The following BRI3BP variants were observed in gnomAD, a reference collection of about 807,000 sequenced individuals.
BRI3BP encodes the protein BRI3-binding protein.
Under a neutral mutation model 15.8 loss-of-function variants are expected in BRI3BP, and 7 were observed. That is an observed-to-expected ratio of 0.44 (90% CI 0.25 to 0.83). The LOEUF (loss-of-function observed/expected upper bound fraction) is 0.83, where lower values mean the gene tolerates loss of function less well. BRI3BP is among the 40% of genes least tolerant of loss of function. The pLI is 0.20. For synonymous variants in BRI3BP, 192 were observed against 163.5 expected (o/e 1.17, Z -1.33); for missense variants, 320 against 339.3 (o/e 0.94, Z 0.45).
rs186974743 is a variant in BRI3BP, at chr12:125,011,132, C to T, written c.214-1402C>T. Among the ~76,000 whole-genome samples, 22 of 148,902 alleles carry T rather than the reference C, an allele frequency of 1.5e-4. No individual in the cohort carries two copies. In the East Asian group the frequency reaches 3.6e-3, roughly 24 times the overall value. On this transcript the variant is annotated intron_variant, in intron 1 of 2. Coordinates refer to ENST00000341446, the MANE Select transcript of BRI3BP (RefSeq NM_080626.6). Reference sequence around the variant, plus strand: ...AAAAAAAAAAGCTGTAGCCAATTCACGGAGGCATTTACCCTTCACACGTGA... The same window carrying T: ...AAAAAAAAAAGCTGTAGCCAATTCATGGAGGCATTTACCCTTCACACGTGA...
rs1955352723 is a variant in BRI3BP, at chr12:125,026,098, C to T, written c.*668C>T. The T allele has an allele frequency of 6.6e-6, 1 of 152,266 alleles. No homozygotes were observed. Among genetic ancestry groups the T allele is most frequent in the African/African-American group, 2.4e-5 (1 of 41,540 alleles). The allele number at this position is 152,266 out of a possible 1,614,324, so 9.4% of individuals were successfully genotyped here. ...CAGTCCTATTTTTAAATGAAGACAT[C>T]GCCATTTCTAGAAGACCTGAGATTT... is the stretch of plus-strand genomic sequence containing the variant. On this transcript the variant is annotated 3_prime_UTR_variant, in exon 3 of 3. Coordinates refer to ENST00000341446, the MANE Select transcript of BRI3BP (RefSeq NM_080626.6).
chr12:124,994,379 C>T (rs1006559852), intron 1 of BRI3BP, among the ~76,000 whole-genome samples: 1 of 152,228 alleles, frequency 6.6e-6, no homozygotes, highest in East Asian at 1.9e-4. Flanking sequence ...TCGGTCCCCA[C>T]GCGGCTGCGC....
At chr12:125,018,895 G>A (rs1221839463) in intron 2 of BRI3BP, among the ~76,000 whole-genome samples, 3 of 152,024 alleles carry the variant, frequency 2.0e-5, no homozygotes, top group South Asian at 2.1e-4. Flanking sequence ...ATGTTGCTCT[G>A]TTGCCCAGGT....
chr12:125,025,226 G>A lies in BRI3BP; in HGVS notation c.552G>A (p.Ala184=), dbSNP rs376973420. 5.0e-6 allele frequency: 8 copies of A among 1,613,978 alleles called. No homozygotes were observed. The highest frequency in any genetic ancestry group is 5.1e-6 in the Non-Finnish European group (6 of 1,180,042). The change falls in exon 3 of 3, where the codon GCG becomes GCA. Residue 184 remains alanine (A), a synonymous_variant. Coordinates refer to ENST00000341446, the MANE Select transcript of BRI3BP (RefSeq NM_080626.6). The part of the protein sequence containing the change: ...LHKYEGEPEN[A]VLPLCFVVAV... Reference sequence around the variant, plus strand: ...AGTACGAGGGCGAGCCGGAGAACGCGGTGCTGCCGCTGTGCTTCGTGGTGG... The same window carrying A: ...AGTACGAGGGCGAGCCGGAGAACGCAGTGCTGCCGCTGTGCTTCGTGGTGG...
chr12:125,013,374 C>T (rs114393870), intron 2 of BRI3BP, among the ~76,000 whole-genome samples: 355 of 152,302 alleles, frequency 2.3e-3, no homozygotes, highest in African/African-American at 8.2e-3. Flanking sequence ...CTGTTGAAAC[C>T]GTTGAGTTCG....
At chr12:125,012,914 T>TAA (rs376021994) in intron 2 of BRI3BP, among the ~76,000 whole-genome samples, 1 of 150,896 alleles carries the variant, frequency 6.6e-6, no homozygotes, top group Non-Finnish European at 1.5e-5. Context: ...CCCATCTCTA[T>TAA]AAAAAAAAAG....
At chr12:125,024,262 C>CA (rs1555217919) in intron 2 of BRI3BP, among the ~76,000 whole-genome samples, 1 of 137,748 alleles carries the variant, frequency 7.3e-6, no homozygotes, top group Non-Finnish European at 1.6e-5. Context: ...CATGAAACCC[C>CA]CCCCCCTCCA....
downstream of BRI3BP, among the ~76,000 whole-genome samples, chr12:125,031,663 A>G (rs939798833): frequency 1.0e-4 from 13 of 128,012 alleles, no homozygotes; most frequent in African/African-American, 4.0e-4. Context: ...TGCTGCCTCC[A>G]TCTCCTGGGC....
At chr12:125,036,302 G>T in the BRI3BP span, among the ~76,000 whole-genome samples, 2 of 151,378 alleles carry the variant, frequency 1.3e-5, no homozygotes, top group African/African-American at 4.8e-5. Context: ...CTGACCTTCT[G>T]ATCCCCCGCC....
intron 2 of BRI3BP, among the ~76,000 whole-genome samples, chr12:125,020,168 A>T (rs931466846): frequency 1.4e-4 from 21 of 151,502 alleles, no homozygotes; most frequent in African/African-American, 4.4e-4. Flanking sequence ...CTGGTCTCGA[A>T]CTCCTGACTT....
chr12:125,011,171 T>C (rs560765528), intron 1 of BRI3BP, among the ~76,000 whole-genome samples: 3 of 148,042 alleles, frequency 2.0e-5, no homozygotes, highest in East Asian at 2.1e-4. Context: ...GAGTGGCCCA[T>C]GTAGGTGGGT....
At chr12:125,032,430 C>A (rs1955412904), downstream of BRI3BP, among the ~76,000 whole-genome samples, 1 of 151,594 alleles carries the variant, frequency 6.6e-6, no homozygotes, top group Admixed American at 6.6e-5. Context: ...TGCACTCCAG[C>A]CTGGGCGACA....
At chr12:125,016,288 C>T (rs1167790171) in intron 2 of BRI3BP, among the ~76,000 whole-genome samples, 1 of 151,746 alleles carries the variant, frequency 6.6e-6, no homozygotes, top group Non-Finnish European at 1.5e-5. Flanking sequence ...GGAAGCCATA[C>T]ACCAACGTTG....
Position 125,007,668 on chromosome 12 carries a change from G to A in BRI3BP, c.214-4866G>A, listed in dbSNP as rs115318631. On this transcript the variant is annotated intron_variant, in intron 1 of 2. Coordinates refer to ENST00000341446, the MANE Select transcript of BRI3BP (RefSeq NM_080626.6). ...CAGGAGTTTGAGACTGCAGTGAGCC[G>A]TAATTACCCCCACTGTACTCCAGGC... Among the ~76,000 whole-genome samples, 1,058 of 150,960 alleles carry A rather than the reference G, an allele frequency of 7.0e-3. 5 individuals carry two copies. The highest frequency in any genetic ancestry group is 0.024 in the African/African-American group (1,002 of 41,020).
downstream of BRI3BP, among the ~76,000 whole-genome samples, chr12:125,035,040 G>A (rs995964125): frequency 1.5e-4 from 23 of 152,156 alleles, no homozygotes; most frequent in South Asian, 8.3e-4. Flanking sequence ...TCATTGCTGC[G>A]TAGTATTCCA....
chr12:125,013,153 G>A lies in BRI3BP; in HGVS notation c.316+517G>A, dbSNP rs575382379. Among the ~76,000 whole-genome samples, 17 of 139,018 alleles carry A rather than the reference G, an allele frequency of 1.2e-4. No homozygotes were observed. The East Asian group carries it at 3.8e-3, about 31-fold the overall frequency. The allele number at this position is 139,018 out of a possible 152,430, so 91.2% of individuals were successfully genotyped here. On this transcript the variant is annotated intron_variant, in intron 2 of 2. Coordinates refer to ENST00000341446, the MANE Select transcript of BRI3BP (RefSeq NM_080626.6). ...TTTCCCAGATGCCACTTAGGATAAG[G>A]TGCGACTGGGTAGTGGGAGTGCCAA... is the stretch of plus-strand genomic sequence containing the variant.
At chr12:125,024,116 TCA>T (rs1212760939) in intron 2 of BRI3BP, among the ~76,000 whole-genome samples, 12 of 152,148 alleles carry the variant, frequency 7.9e-5, no homozygotes, top group East Asian at 3.8e-4. Flanking sequence ...TTTAATTGAC[TCA>T]CAGTTCTGCG....
downstream of BRI3BP, among the ~76,000 whole-genome samples, chr12:125,031,567 T>C (rs1421546439): frequency 6.8e-6 from 1 of 146,538 alleles, no homozygotes; most frequent in African/African-American, 2.6e-5. Flanking sequence ...ACAATCCTTT[T>C]CTTTCTATTT....
chr12:125,005,328 C>G (rs183798669), intron 1 of BRI3BP, among the ~76,000 whole-genome samples: 2 of 152,212 alleles, frequency 1.3e-5, no homozygotes, highest in African/African-American at 4.8e-5. Flanking sequence ...GCCCCCACCT[C>G]ATGCTTTTTC....
Sources: allele counts gnomAD v4.1 joint callset (sites outside exome capture counted in the v4.1 genomes callset), GRCh38; gene constraint gnomAD v4.1.1; transcripts MANE v1.5; gene names NCBI Gene and HGNC (gene_info 2026-07-23, HGNC 2026-07-21).